Variants in SCN10A observed in about 807,000 individuals in gnomAD.
SCN10A encodes sodium channel protein type 10 subunit alpha.
In SCN10A, 162 loss-of-function variants were observed where a neutral mutation model predicts 170.7. The ratio of observed to expected loss-of-function variants is 0.95; its 90% CI spans 0.84 to 1.08. The LOEUF (loss-of-function observed/expected upper bound fraction) is 1.08, where lower values mean the gene tolerates loss of function less well. SCN10A is among the 50% of genes least tolerant of loss of function. The pLI is 0.00. For missense variants in SCN10A, 2,527 were observed against 2,436.9 expected, an observed-to-expected ratio of 1.04 and a Z score of -0.78; for synonymous variants, 985 against 904.6, an observed-to-expected ratio of 1.09 and a Z score of -1.59.
chr3:38,703,201 C>T (rs1485212109), intron 26 of SCN10A, among the ~76,000 whole-genome samples: 1 of 152,194 alleles, frequency 6.6e-6, no homozygotes, highest in Non-Finnish European at 1.5e-5. Flanking sequence ...CTGCCGCTTG[C>T]CAAACTCTTG....
Position 38,697,957 on chromosome 3 carries a change from C to T in SCN10A, c.5263G>A (p.Ala1755Thr), listed in dbSNP as rs371924465. 12 of 1,613,986 alleles carry T rather than the reference C, an allele frequency of 7.4e-6. No homozygotes were observed. The highest frequency in any genetic ancestry group is 1.0e-5 in the Non-Finnish European group (12 of 1,180,028). ...GCAGAAAAGGTAATAAACTGAGTGG[C>T]CTCTGGGTCAAACTTCTCCCAGGTC... ...YETWEKFDPEATQFITFSALS... is the reference protein window; with the variant it reads ...YETWEKFDPETTQFITFSALS... The change falls in exon 28 of 28, where the codon GCC becomes ACC. Residue 1755 changes from alanine to threonine, a missense_variant. Coordinates refer to ENST00000449082, the MANE Select transcript of SCN10A (RefSeq NM_006514.4).
chr3:38,781,797 C>T (rs1302258771), intron 4 of SCN10A, among the ~76,000 whole-genome samples: 3 of 152,042 alleles, frequency 2.0e-5, no homozygotes, highest in South Asian at 2.1e-4. Context: ...ACCCCAATTA[C>T]TTTTGTACCT....
At chr3:38,799,405 G>A (rs1470601124) in intron 1 of SCN10A, among the ~76,000 whole-genome samples, 1 of 152,156 alleles carries the variant, frequency 6.6e-6, no homozygotes, top group Non-Finnish European at 1.5e-5. Context: ...TTGTAAACAA[G>A]TGTCCTCTGG....
At chr3:38,713,391 C>A (rs922440905) in intron 22 of SCN10A, among the ~76,000 whole-genome samples, 1 of 152,054 alleles carries the variant, frequency 6.6e-6, no homozygotes, top group Admixed American at 6.5e-5. Context: ...CAATAAGAGG[C>A]AGAGTTGGGT....
chr3:38,803,251 A>G (rs924072732), intron 1 of SCN10A, among the ~76,000 whole-genome samples: 3 of 152,196 alleles, frequency 2.0e-5, no homozygotes, highest in African/African-American at 7.2e-5. Flanking sequence ...GCAATTCCTC[A>G]AGGATCTAAA....
rs1240027569 is a variant in SCN10A at position 38,701,954 on chromosome 3, G to A, written c.4542C>T (p.Phe1514=). Residue 1514 remains phenylalanine (F), a synonymous_variant, in exon 27 of 28, where the codon TTC becomes TTT. Transcript: ENST00000449082. ...ATTCGCCTGTGAAGACGGCCACAAA[G>A]AACTGGTTGATTTTGCCCAGAATTT... is the stretch of plus-strand genomic sequence containing the variant. ...KTKILGKINQ[F]FVAVFTGECV... is the part of the protein sequence containing the mutation. 3 of 1,614,046 alleles carry A rather than the reference G, an allele frequency of 1.9e-6. No homozygotes were observed. Among genetic ancestry groups the A allele is most frequent in the African/African-American group, 2.7e-5 (2 of 74,938 alleles).
At chr3:38,789,953 A>G (rs756083960) in intron 3 of SCN10A, among the ~76,000 whole-genome samples, 8 of 152,198 alleles carry the variant, frequency 5.3e-5, no homozygotes, top group Non-Finnish European at 8.8e-5. Context: ...GAGAGAGTAC[A>G]ACACTCATTT....
chr3:38,792,932 T>C (rs2064302004), intron 2 of SCN10A, among the ~76,000 whole-genome samples: 1 of 152,084 alleles, frequency 6.6e-6, no homozygotes, highest in Non-Finnish European at 1.5e-5. Context: ...ATGCCAGATA[T>C]ATGTATATCA....
intron 1 of SCN10A, among the ~76,000 whole-genome samples, chr3:38,808,761 G>C (rs1012916361): frequency 6.6e-6 from 1 of 152,194 alleles, no homozygotes; most frequent in African/African-American, 2.4e-5. Flanking sequence ...TGTGAAGAAA[G>C]AGGAGCTTGA....
At chr3:38,760,919 A>G (rs191630392) in intron 7 of SCN10A, among the ~76,000 whole-genome samples, 172 bp from the exon 8 acceptor site, 2 of 152,324 alleles carry the variant, frequency 1.3e-5, no homozygotes, top group Admixed American at 1.3e-4. Flanking sequence ...TGAAAAGAGA[A>G]GAGCTAAGCA....
At chr3:38,805,237 C>T (rs1399612464) in intron 1 of SCN10A, among the ~76,000 whole-genome samples, 2 of 152,084 alleles carry the variant, frequency 1.3e-5, no homozygotes, top group African/African-American at 4.8e-5. Context: ...GTGGTTGGAC[C>T]TTTCATAGCA....
chr3:38,794,173 A>C (rs1292928811), intron 1 of SCN10A, 131 bp from the exon 2 acceptor site: 5 of 646,430 alleles, frequency 7.7e-6, no homozygotes, highest in Non-Finnish European at 1.3e-5. Flanking sequence ...CTGAACTCAC[A>C]CTTGGCTCCT....
chr3:38,767,396 GCA>G (rs2063944243), intron 5 of SCN10A, among the ~76,000 whole-genome samples: 2 of 151,720 alleles, frequency 1.3e-5, no homozygotes, highest in Non-Finnish European at 2.9e-5. Flanking sequence ...TTTCCTCTTA[GCA>G]CTGCTTTAGC....
chr3:38,723,839 G>C (rs923250678), intron 18 of SCN10A, among the ~76,000 whole-genome samples: 1 of 152,214 alleles, frequency 6.6e-6, no homozygotes, highest in Non-Finnish European at 1.5e-5. Context: ...TGCTGCAGGG[G>C]CCTGCTGCCC....
intron 1 of SCN10A, among the ~76,000 whole-genome samples, chr3:38,804,565 T>G (rs1343361683): frequency 6.6e-6 from 1 of 152,156 alleles, no homozygotes; most frequent in Non-Finnish European, 1.5e-5. Context: ...TAAATAAATA[T>G]TCAAGAAATC....
intron 1 of SCN10A, among the ~76,000 whole-genome samples, chr3:38,807,322 T>C (rs2064410675): frequency 6.6e-6 from 1 of 152,176 alleles, no homozygotes; most frequent in South Asian, 2.1e-4. Context: ...TTTAATTAGG[T>C]GATGTAATGT....
intron 25 of SCN10A, among the ~76,000 whole-genome samples, chr3:38,707,794 G>C (rs2063226864): frequency 6.6e-6 from 1 of 152,190 alleles, no homozygotes; most frequent in South Asian, 2.1e-4. Flanking sequence ...GGACCTTGAA[G>C]CAAAGACTCT....
chr3:38,800,379 G>T (rs1575187141), intron 1 of SCN10A, among the ~76,000 whole-genome samples: 1 of 152,274 alleles, frequency 6.6e-6, no homozygotes, highest in South Asian at 2.1e-4. Context: ...GAGGCCCAGG[G>T]GGCCCCATTT....
At position 38,795,932 on chromosome 3, in the gene SCN10A, A is replaced by G. The variant is rs143423796; in HGVS notation, c.-32-1890T>C. On this transcript the variant is annotated intron_variant, in intron 1 of 27. Coordinates refer to ENST00000449082, the MANE Select transcript of SCN10A (RefSeq NM_006514.4). ...TTAAAATTTCCAAGATCACATTACT[A>G]ATGAGTGGCAGAACGGTACTTAAAC... Among the ~76,000 whole-genome samples, 305 of 152,286 alleles carry G rather than the reference A, an allele frequency of 2.0e-3. 1 individual carries two copies. Among genetic ancestry groups the G allele is most frequent in the African/African-American group, 6.1e-3 (255 of 41,562 alleles).
Sources: gnomAD v4.1 joint callset for allele counts (sites outside exome capture counted in the v4.1 genomes callset) on GRCh38, gnomAD v4.1.1 for gene constraint, MANE v1.5 for transcripts, NCBI Gene and HGNC (gene_info 2026-07-23, HGNC 2026-07-21) for gene names.